Variants in NFIA observed in about 807,000 individuals in gnomAD.
The protein encoded by NFIA is nuclear factor I A.
In NFIA, 8 loss-of-function variants were observed where a neutral mutation model predicts 62.8. The observed-to-expected ratio is 0.13, with a 90% CI of 0.07 to 0.23. The LOEUF (loss-of-function observed/expected upper bound fraction) is 0.23, where lower values mean the gene tolerates loss of function less well. NFIA is among the 10% of genes least tolerant of loss of function. The pLI is 1.00. For synonymous variants in NFIA, 235 were observed against 238.1 expected (o/e 0.99, Z 0.12); for missense variants, 410 against 642.1 (o/e 0.64, Z 3.91).
At chr1:61,200,549 A>G (rs1652403945) in intron 2 of NFIA, among the ~76,000 whole-genome samples, 1 of 152,176 alleles carries the variant, frequency 6.6e-6, no homozygotes, top group Non-Finnish European at 1.5e-5. Context: ...ACAATTGCTG[A>G]TGGAGCTTCT....
At chr1:61,366,637 T>G (rs1267001542) in intron 6 of NFIA, among the ~76,000 whole-genome samples, 1 of 152,200 alleles carries the variant, frequency 6.6e-6, no homozygotes, top group Non-Finnish European at 1.5e-5. Context: ...AATTAAGTAC[T>G]TTAGGCCGAG....
rs554067297 is a variant in NFIA at position 61,192,684 on chromosome 1, C to T, written c.560-84836C>T. Among the ~76,000 whole-genome samples, 156 of 148,828 alleles carry T rather than the reference C, an allele frequency of 1.0e-3. 1 individual carries two copies. The highest frequency in any genetic ancestry group is 3.7e-3 in the African/African-American group (148 of 40,058). ...TGCCATTGCACTCCAGCCTGGGTGA[C>T]GGAGCGAGACTCTTGTCTCAAAAAA... is the stretch of plus-strand genomic sequence containing the variant. On this transcript the variant is annotated intron_variant, in intron 2 of 10. Coordinates refer to ENST00000403491, the MANE Select transcript of NFIA (RefSeq NM_001134673.4).
chr1:61,422,418 G>A (rs1234047747), intron 9 of NFIA, among the ~76,000 whole-genome samples: 3 of 152,136 alleles, frequency 2.0e-5, no homozygotes, highest in Non-Finnish European at 4.4e-5. Context: ...TATAATGGTT[G>A]AGTGAAGGCT....
upstream of NFIA, among the ~76,000 whole-genome samples, chr1:61,081,528 G>A (rs1222397031): frequency 6.6e-6 from 1 of 152,132 alleles, no homozygotes; most frequent in Non-Finnish European, 1.5e-5. Context: ...TCCCTAAGGG[G>A]ACATCCCTTT....
At chr1:61,293,093 A>G (rs1658993200) in intron 3 of NFIA, among the ~76,000 whole-genome samples, 1 of 152,214 alleles carries the variant, frequency 6.6e-6, no homozygotes, top group African/African-American at 2.4e-5. Flanking sequence ...TAACCGCATC[A>G]CATTGATTTT....
chr1:61,086,637 A>C (rs533412120), intron 1 of NFIA, among the ~76,000 whole-genome samples: 1 of 152,132 alleles, frequency 6.6e-6, no homozygotes, highest in Non-Finnish European at 1.5e-5. Flanking sequence ...GTAATTTATT[A>C]TGTATTAATA....
chr1:61,388,707 C>T (rs1664824136), intron 7 of NFIA, among the ~76,000 whole-genome samples: 1 of 152,184 alleles, frequency 6.6e-6, no homozygotes, highest in Non-Finnish European at 1.5e-5. Context: ...GTCTGGGAAT[C>T]TTTTGGTATA....
chr1:61,340,904 A>G (rs1025627261), intron 4 of NFIA, among the ~76,000 whole-genome samples: 1 of 151,690 alleles, frequency 6.6e-6, no homozygotes, highest in Non-Finnish European at 1.5e-5. Context: ...TTTTCCTCAA[A>G]TTTTCAGCCA....
chr1:61,406,015 TTATTAAATGTTA>T (rs1665800820), intron 8 of NFIA, among the ~76,000 whole-genome samples: 1 of 152,336 alleles, frequency 6.6e-6, no homozygotes, highest in Non-Finnish European at 1.5e-5. Context: ...CTTAACACAT[TTATTAAATGTTA>T]TATAATATCA....
In NFIA at chr1:61,146,787, G is replaced by C. The variant is rs370253551; in HGVS notation, c.559+58107G>C. ...TACTTCTGCTGACCACACAGAAGAC[G>C]TGTGTAAAGTCTGTGTATCAATGAA... On this transcript the variant is annotated intron_variant, in intron 2 of 10. Transcript: ENST00000403491. Among the ~76,000 whole-genome samples the C allele has an allele frequency of 8.5e-5, 13 of 152,310 alleles. No individual in the cohort carries two copies. In the South Asian group the frequency reaches 1.5e-3, roughly 17 times the overall value.
chr1:61,188,402 A>G (rs1164986005), intron 2 of NFIA, among the ~76,000 whole-genome samples: 1 of 152,186 alleles, frequency 6.6e-6, no homozygotes, highest in African/African-American at 2.4e-5. Flanking sequence ...AGAAAGAGGT[A>G]TGCTGGGAAC....
At chr1:61,199,305 G>T (rs1652254500) in intron 2 of NFIA, among the ~76,000 whole-genome samples, 1 of 152,170 alleles carries the variant, frequency 6.6e-6, no homozygotes, top group Non-Finnish European at 1.5e-5. Context: ...AAGCAAAAAA[G>T]ACATACTGCT....
intron 3 of NFIA, among the ~76,000 whole-genome samples, chr1:61,304,971 A>G (rs1167564715): frequency 6.6e-6 from 1 of 152,242 alleles, no homozygotes; most frequent in Non-Finnish European, 1.5e-5. Flanking sequence ...GTTAGCTGCA[A>G]CTATCATGAT....
At chr1:61,400,480 A>C (rs920161798) in intron 7 of NFIA, among the ~76,000 whole-genome samples, 2 of 152,234 alleles carry the variant, frequency 1.3e-5, no homozygotes, top group African/African-American at 4.8e-5. Flanking sequence ...CTTTTAATAC[A>C]CAAAATTGTA....
intron 2 of NFIA, among the ~76,000 whole-genome samples, chr1:61,131,286 A>T (rs536192994): frequency 6.6e-6 from 1 of 152,056 alleles, no homozygotes; most frequent in South Asian, 2.1e-4. Context: ...TATCATTCTA[A>T]TTAGTGATTA....
chr1:61,113,517 C>T (rs917013785), intron 2 of NFIA, among the ~76,000 whole-genome samples: 39 of 145,970 alleles, frequency 2.7e-4, no homozygotes, highest in African/African-American at 9.3e-4. Context: ...TTGCTTGAAC[C>T]GTTGAGGCGG....
chr1:61,416,892 T>C (rs888768433), intron 9 of NFIA, among the ~76,000 whole-genome samples: 4 of 152,174 alleles, frequency 2.6e-5, no homozygotes, highest in African/African-American at 9.7e-5. Context: ...CAGCTTTCCT[T>C]TGAAAATCTT....
Position 61,257,092 on chromosome 1 carries a change from A to C in NFIA, c.560-20428A>C, listed in dbSNP as rs118030201. On this transcript the variant is annotated intron_variant, in intron 2 of 10. Coordinates refer to ENST00000403491, the MANE Select transcript of NFIA (RefSeq NM_001134673.4). The stretch of plus-strand genomic sequence containing the variant: ...CGCAAATAATTAGTTTCTTTTATTT[A>C]TGTTTTTCAAGATCGGTTCCTCTAT... Among the ~76,000 whole-genome samples the C allele has an allele frequency of 4.3e-4, 66 of 152,182 alleles. No individual in the cohort carries two copies. In the East Asian group the frequency reaches 0.011, roughly 25 times the overall value.
At chr1:61,425,798 G>A (rs1157781812) in intron 9 of NFIA, among the ~76,000 whole-genome samples, 1 of 152,204 alleles carries the variant, frequency 6.6e-6, no homozygotes, top group African/African-American at 2.4e-5. Context: ...TATCTTAGTT[G>A]ATAAAGGGTC....
Sources: allele counts gnomAD v4.1 joint callset (sites outside exome capture counted in the v4.1 genomes callset), GRCh38; gene constraint gnomAD v4.1.1; transcripts MANE v1.5; gene names NCBI Gene and HGNC (gene_info 2026-07-23, HGNC 2026-07-21).